Variants in TSHR observed in about 807,000 individuals in gnomAD.
TSHR encodes thyrotropin receptor.
A neutral mutation model predicts 64.1 loss-of-function variants in TSHR; 51 were observed. That is an observed-to-expected ratio of 0.80 (90% CI 0.64 to 1.01). The LOEUF is 1.01. TSHR is among the 50% of genes least tolerant of loss of function. The pLI is 0.00. For missense variants in TSHR, 877 were observed against 942.8 expected (o/e 0.93, Z 0.91); for synonymous variants, 361 against 361.9 (o/e 1.00, Z 0.03).
intron 1 of TSHR, among the ~76,000 whole-genome samples, chr14:81,029,615 T>C (rs1884246996): frequency 6.6e-6 from 1 of 152,198 alleles, no homozygotes; most frequent in Non-Finnish European, 1.5e-5. Flanking sequence ...TTATGCTTAC[T>C]TTATGGAAAT....
intron 1 of TSHR, among the ~76,000 whole-genome samples, chr14:81,057,239 C>T (rs1445006154): frequency 6.6e-5 from 10 of 152,020 alleles, no homozygotes; most frequent in Admixed American, 2.0e-4. Flanking sequence ...GGTGAAACCC[C>T]GTCTCTACTG....
chr14:81,024,203 C>CT (rs1013621249), intron 1 of TSHR, among the ~76,000 whole-genome samples: 1 of 151,708 alleles, frequency 6.6e-6, no homozygotes, highest in African/African-American at 2.4e-5. Context: ...TATGACTTCA[C>CT]TTTTTTTCAA....
intron 1 of TSHR, among the ~76,000 whole-genome samples, chr14:80,978,749 A>C (rs961812476): frequency 2.0e-5 from 3 of 151,358 alleles, no homozygotes; most frequent in Admixed American, 1.3e-4. Flanking sequence ...TGAGTGGTGC[A>C]TCTCTGTGGC....
Position 81,082,076 on chromosome 14 carries a change from T to C in TSHR, c.318-5878T>C, listed in dbSNP as rs147671597. Among the ~76,000 whole-genome samples the C allele has an allele frequency of 4.8e-3, 729 of 152,306 alleles. 8 individuals are homozygous for C. Among genetic ancestry groups the C allele is most frequent in the African/African-American group, 0.017 (700 of 41,542 alleles). On this transcript the variant is annotated intron_variant, in intron 3 of 9. Transcript: ENST00000298171. ...AGCCCAGACCCAGGAAAAGTCTTGATAATACTATTTAATGTGCTCTGGAGA... is the reference window on the plus strand; with the variant it reads ...AGCCCAGACCCAGGAAAAGTCTTGACAATACTATTTAATGTGCTCTGGAGA...
In TSHR at chr14:81,062,217, A is replaced by AAC; in HGVS notation, c.241_242insCA (p.Ile81ThrfsTer6). ...TTTCTAATCTGCCCAATATTTCCAG[A>AAC]ATGTAAGTTTTTTTAATATAAAGAA... On this transcript the variant is annotated frameshift_variant and splice_region_variant, in exon 2 of 10. Transcript: ENST00000298171. LOFTEE classifies it high-confidence loss of function. 1 of 1,609,846 alleles carries AAC rather than the reference A, an allele frequency of 6.2e-7. No homozygotes were observed. Among genetic ancestry groups the AAC allele is most frequent in the Non-Finnish European group, 8.5e-7 (1 of 1,177,398 alleles).
intron 3 of TSHR, among the ~76,000 whole-genome samples, chr14:81,082,842 G>A (rs888311532): frequency 5.9e-5 from 9 of 152,034 alleles, no homozygotes; most frequent in Non-Finnish European, 1.2e-4. Context: ...ATGCAAAGTC[G>A]GCTTTTTGAT....
intron 1 of TSHR, among the ~76,000 whole-genome samples, chr14:81,023,448 T>C (rs1387073201): frequency 6.6e-6 from 1 of 152,088 alleles, no homozygotes; most frequent in African/African-American, 2.4e-5. Context: ...CTTTCCAGGG[T>C]ACTGGGTGTA....
rs569818559 is a variant in TSHR at position 81,024,777 on chromosome 14, A to C, written c.171-37371A>C. Among the ~76,000 whole-genome samples the C allele has an allele frequency of 5.3e-5, 8 of 152,322 alleles. No homozygotes were observed. The South Asian group carries it at 1.7e-3, about 32-fold the overall frequency. On this transcript the variant is annotated intron_variant, in intron 1 of 9. Transcript: ENST00000298171. Reference sequence around the variant, plus strand: ...CCTCCATCTATGGTAAACATCAAGCAGTTCAACTTTTTCCTGTCATGATTT... The same window carrying C: ...CCTCCATCTATGGTAAACATCAAGCCGTTCAACTTTTTCCTGTCATGATTT...
chr14:81,029,331 T>A (rs1884229302), intron 1 of TSHR, among the ~76,000 whole-genome samples: 1 of 152,130 alleles, frequency 6.6e-6, no homozygotes, highest in African/African-American at 2.4e-5. Context: ...GTTCTATGAT[T>A]TACTTTTGAG....
intron 1 of TSHR, among the ~76,000 whole-genome samples, chr14:81,041,315 A>G (rs929190778): frequency 1.3e-5 from 2 of 152,230 alleles, no homozygotes; most frequent in African/African-American, 4.8e-5. Context: ...TGTTACATAT[A>G]CACCATGGAA....
At chr14:81,107,051 C>T (rs1197652640) in intron 7 of TSHR, 1 of 152,000 alleles carries the variant, frequency 6.6e-6, no homozygotes, top group Admixed American at 6.6e-5. Flanking sequence ...TAGTGATTCC[C>T]TCATCCTGCC....
At chr14:81,121,023 A>G (rs1002902439) in intron 8 of TSHR, among the ~76,000 whole-genome samples, 1 of 152,172 alleles carries the variant, frequency 6.6e-6, no homozygotes, top group South Asian at 2.1e-4. Flanking sequence ...AAGAAAAAAC[A>G]TGAACATTAG....
At chr14:81,078,837 C>T (rs1887688371) in intron 3 of TSHR, 1 of 152,158 alleles carries the variant, frequency 6.6e-6, no homozygotes, top group Non-Finnish European at 1.5e-5. Flanking sequence ...CCAAATTGTT[C>T]CAGACACCAG....
intron 1 of TSHR, chr14:80,982,421 A>G: frequency 8.1e-7 from 1 of 1,241,890 alleles, no homozygotes. Flanking sequence ...ATTGGTGCCC[A>G]GGTCTGTGCT....
At chr14:81,115,636 T>C (rs1331559723) in intron 8 of TSHR, among the ~76,000 whole-genome samples, 1 of 151,904 alleles carries the variant, frequency 6.6e-6, no homozygotes, top group Non-Finnish European at 1.5e-5. Flanking sequence ...AATTCCCCAA[T>C]ATAGCAAGGC....
intron 6 of TSHR, among the ~76,000 whole-genome samples, chr14:81,096,041 CAAAAA>C (rs397853041): frequency 2.9e-5 from 2 of 68,394 alleles, no homozygotes; most frequent in Admixed American, 1.6e-4. Context: ...GACCCTGTCT[CAAAAA>C]AAAAAAAAAA....
intron 1 of TSHR, among the ~76,000 whole-genome samples, chr14:81,034,764 C>A (rs959523203): frequency 4.6e-5 from 7 of 152,102 alleles, no homozygotes; most frequent in Admixed American, 3.9e-4. Flanking sequence ...GAAAATTGTC[C>A]TATGACAGAA....
At chr14:81,098,754 A>G (rs1447442574) in intron 7 of TSHR, among the ~76,000 whole-genome samples, 1 of 152,220 alleles carries the variant, frequency 6.6e-6, no homozygotes, top group Non-Finnish European at 1.5e-5. Context: ...AAAGCTGTTA[A>G]TATGGCTCCT....
intron 2 of TSHR, among the ~76,000 whole-genome samples, chr14:81,067,482 T>TA (rs1459873165): frequency 0.022 from 1,093 of 49,140 alleles, 22 homozygotes; most frequent in African/African-American, 0.065. Flanking sequence ...AGTTTATAGT[T>TA]TTATATATAT....
Sources: gnomAD v4.1 joint callset for allele counts (sites outside exome capture counted in the v4.1 genomes callset) on GRCh38, gnomAD v4.1.1 for gene constraint, MANE v1.5 for transcripts, NCBI Gene and HGNC (gene_info 2026-07-23, HGNC 2026-07-21) for gene names.